Variants in CATSPERG observed in about 807,000 individuals in gnomAD.
CATSPERG encodes catsper channel auxiliary subunit gamma.
In CATSPERG, 115 loss-of-function variants were observed where a neutral mutation model predicts 145.0. That is an observed-to-expected ratio of 0.79 (90% CI 0.68 to 0.93). CATSPERG has a LOEUF of 0.93. Ranked by LOEUF, CATSPERG falls within the 40% of genes least tolerant of loss-of-function variation. The pLI, the probability that CATSPERG is intolerant of heterozygous loss-of-function variation, is 0.00. For synonymous variants in CATSPERG, 588 were observed against 589.0 expected, an observed-to-expected ratio of 1.00 and a Z score of 0.02; for missense variants, 1,296 against 1,490.1, an observed-to-expected ratio of 0.87 and a Z score of 2.14.
At chr19:38,343,758 TG>T (rs1200101999) in intron 4 of CATSPERG, 34 bp downstream of exon 4, 3 of 1,535,240 alleles carry the variant, frequency 2.0e-6, no homozygotes, top group Non-Finnish European at 2.6e-6. Flanking sequence ...GATCGCAACC[TG>T]GCAGGGGTGT....
In CATSPERG at chr19:38,367,231, G is replaced by C; in HGVS notation, c.2689G>C (p.Glu897Gln). The change falls in exon 23 of 29, where the codon GAA becomes CAA. Residue 897 changes from glutamate (E) to glutamine (Q), a missense_variant. Glu to Gln is a conservative substitution (Grantham distance 29). Transcript: ENST00000409235. ...RLAFDITYTL[E>Q]YSRLKNKHYF... ...GGCCTTCGACATCACCTACACGCTG[G>C]AATACAGCCGCCTGAAGAACAAACA... is the stretch of plus-strand genomic sequence containing the variant. 6.2e-7 allele frequency: 1 copy of C among 1,613,938 alleles called. No individual in the cohort carries two copies. The highest frequency in any genetic ancestry group is 8.5e-7 in the Non-Finnish European group (1 of 1,179,996).
At position 38,351,375 on chromosome 19, in the gene CATSPERG, G is replaced by A. The variant is rs192280828; in HGVS notation, c.826-886G>A. 1.1e-3 allele frequency among the ~76,000 whole-genome samples: 167 copies of A among 151,236 alleles called. 1 individual carries two copies. Among genetic ancestry groups the A allele is most frequent in the African/African-American group, 3.3e-3 (135 of 41,194 alleles). On this transcript the variant is annotated intron_variant, in intron 7 of 28. Transcript: ENST00000409235. Reference sequence around the variant, plus strand: ...TGTAATCCCAGCACTTTGGGAGGCCGAGGTGGGCGGATCACGAGGTCAGGA... The same window carrying A: ...TGTAATCCCAGCACTTTGGGAGGCCAAGGTGGGCGGATCACGAGGTCAGGA...
chr19:38,364,909 A>G lies in CATSPERG; in HGVS notation c.2494A>G (p.Lys832Glu), dbSNP rs748586217. 6.2e-7 allele frequency: 1 copy of G among 1,614,028 alleles called. No homozygotes were observed. ...VLFSITLKDK[K>E]LCYDQGISGH... Reference sequence around the variant, plus strand: ...ACCCCAGATTACGCTCAAGGATAAAAAGCTTTGCTATGACCAAGGCATTAG... The same window carrying G: ...ACCCCAGATTACGCTCAAGGATAAAGAGCTTTGCTATGACCAAGGCATTAG... The change falls in exon 21 of 29, where the codon AAG becomes GAG. Residue 832 changes from lysine to glutamate, a missense_variant. By Grantham distance (56) the Lys-to-Glu change is moderately conservative (BLOSUM62 1). Coordinates refer to ENST00000409235, the MANE Select transcript of CATSPERG (RefSeq NM_021185.5).
chr19:38,363,916 TC>T (rs1288126053), intron 20 of CATSPERG, among the ~76,000 whole-genome samples: 1 of 152,144 alleles, frequency 6.6e-6, no homozygotes, highest in Non-Finnish European at 1.5e-5. Flanking sequence ...TCCCCACCCT[TC>T]CCCGCTTTCC....
chr19:38,345,188 G>A (rs143468724), intron 6 of CATSPERG, among the ~76,000 whole-genome samples: 4,671 of 151,738 alleles, frequency 0.031, 152 homozygotes, highest in East Asian at 0.13. Flanking sequence ...CCACCTCCCA[G>A]GTTCAAGCAA....
chr19:38,353,209 C>G (rs1215112377), intron 8 of CATSPERG, among the ~76,000 whole-genome samples: 1 of 151,308 alleles, frequency 6.6e-6, no homozygotes, highest in African/African-American at 2.4e-5. Flanking sequence ...TGGTGGGCAC[C>G]TGTTATTCCA....
intron 14 of CATSPERG, chr19:38,359,901 C>A: frequency 9.4e-7 from 1 of 1,066,474 alleles, no homozygotes; most frequent in African/African-American, 1.7e-5. Flanking sequence ...GTGATCAGGG[C>A]TGCAATGGGG....
At chr19:38,336,164 T>G (rs1374954029) in intron 1 of CATSPERG, 1 of 445,192 alleles carries the variant, frequency 2.2e-6, no homozygotes, top group African/African-American at 2.2e-5. Context: ...GAGTAAGAAG[T>G]GGGGCAAGAA....
At chr19:38,349,410 G>C (rs1970096594) in intron 7 of CATSPERG, 2 of 152,234 alleles carry the variant, frequency 1.3e-5, no homozygotes, top group Admixed American at 6.6e-5. Context: ...GTGATTACAG[G>C]CATGAGCCAC....
intron 17 of CATSPERG, 144 bp from the exon 18 acceptor site, chr19:38,362,066 G>T (rs1409423675): frequency 9.7e-7 from 1 of 1,031,210 alleles, no homozygotes. Context: ...TTGAAAGCAG[G>T]GTTTGGGGAT....
intron 22 of CATSPERG, chr19:38,365,628 T>C (rs1410661964): frequency 3.8e-5 from 6 of 156,346 alleles, no homozygotes; most frequent in African/African-American, 1.5e-4. Context: ...GTTGTGCAGG[T>C]TGCACACAAA....
chr19:38,354,739 TGCATCAAGAAGCTGTGCCCTG>T lies in CATSPERG; in HGVS notation c.1028_1048del (p.Cys343_Val350delinsLeu). On this transcript the variant is annotated inframe_deletion, in exon 9 of 29. Coordinates refer to ENST00000409235, the MANE Select transcript of CATSPERG (RefSeq NM_021185.5). ...TTGGATTCGTGTCCTGGCCAGCGAG[TGCATCAAGAAGCTGTGCCCTG>T]TGTATTTCCATAGCAATGGCTCTGA... 6.2e-7 allele frequency: 1 copy of T among 1,614,106 alleles called. No homozygotes were observed. Among genetic ancestry groups the T allele is most frequent in the Non-Finnish European group, 8.5e-7 (1 of 1,180,014 alleles).
intron 7 of CATSPERG, among the ~76,000 whole-genome samples, chr19:38,351,865 T>C (rs1970147428): frequency 6.6e-6 from 1 of 150,678 alleles, no homozygotes; most frequent in African/African-American, 2.4e-5. Context: ...TGAGCTATGA[T>C]CATACCACTC....
chr19:38,352,185 G>C, intron 7 of CATSPERG, 76 bp from the exon 8 acceptor site: 1 of 1,425,508 alleles, frequency 7.0e-7, no homozygotes, highest in East Asian at 2.5e-5. Flanking sequence ...GTCAGAGCAG[G>C]AGCTTCCCCG....
At position 38,344,135 on chromosome 19, in the gene CATSPERG, A is replaced by G; in HGVS notation, c.596+16A>G. The G allele has an allele frequency of 2.6e-6, 4 of 1,551,302 alleles. No individual in the cohort carries two copies. The highest frequency in any genetic ancestry group is 3.5e-6 in the Non-Finnish European group (4 of 1,146,750). ...CAGATAAAAGGTACCCTTTCCCAAGACGGGGGCTGGGGTGGACTCCGGGGG... is the reference window on the plus strand; with the variant it reads ...CAGATAAAAGGTACCCTTTCCCAAGGCGGGGGCTGGGGTGGACTCCGGGGG... On this transcript the variant is annotated intron_variant, in intron 5 of 28. Transcript: ENST00000409235.
chr19:38,341,265 C>A (rs1401454835), intron 3 of CATSPERG, among the ~76,000 whole-genome samples: 1 of 152,170 alleles, frequency 6.6e-6, no homozygotes, highest in Non-Finnish European at 1.5e-5. Flanking sequence ...TCACTGGCTC[C>A]CTCCTGTTGT....
Position 38,360,601 on chromosome 19 carries a change from A to T in CATSPERG, c.1721A>T (p.Asn574Ile). ...CAACAGTCCTCTCTCTACGCATCCA[A>T]TGAGACCATGCTGACCCTCTTCTAC... ...LMQQSSLYAS[N>I]ETMLTLFYED... The change falls in exon 15 of 29, where the codon AAT becomes ATT. Residue 574 changes from asparagine (N) to isoleucine (I), a missense_variant. Coordinates refer to ENST00000409235, the MANE Select transcript of CATSPERG (RefSeq NM_021185.5). 1 of 1,614,220 alleles carries T rather than the reference A, an allele frequency of 6.2e-7. No individual in the cohort carries two copies. Among genetic ancestry groups the T allele is most frequent in the Non-Finnish European group, 8.5e-7 (1 of 1,180,026 alleles).
intron 8 of CATSPERG, among the ~76,000 whole-genome samples, chr19:38,353,348 GA>G (rs947221242): frequency 6.7e-6 from 1 of 149,712 alleles, no homozygotes; most frequent in Non-Finnish European, 1.5e-5. Flanking sequence ...AAAGAGAGAG[GA>G]AAAAGCGAGA....
At chr19:38,365,015 G>T (rs1970423938) in intron 21 of CATSPERG, 44 bp downstream of exon 21, 1 of 1,613,734 alleles carries the variant, frequency 6.2e-7, no homozygotes, top group African/African-American at 1.3e-5. Flanking sequence ...TGGTGGGAAA[G>T]CCTGGGCCGG....
Sources: allele counts gnomAD v4.1 joint callset (sites outside exome capture counted in the v4.1 genomes callset), GRCh38; gene constraint gnomAD v4.1.1; transcripts MANE v1.5; gene names NCBI Gene and HGNC (gene_info 2026-07-23, HGNC 2026-07-21).